Variants in PALM2AKAP2 observed in about 807,000 individuals in gnomAD.
The protein encoded by PALM2AKAP2 is PALM2 and AKAP2 fusion.
A neutral mutation model predicts 71.5 loss-of-function variants in PALM2AKAP2; 37 were observed. That is an observed-to-expected ratio of 0.52 (90% CI 0.40 to 0.68). The LOEUF (loss-of-function observed/expected upper bound fraction) is 0.68, where lower values mean the gene tolerates loss of function less well. PALM2AKAP2 is among the 30% of genes least tolerant of loss of function. The pLI is 0.00. For missense variants in PALM2AKAP2, 1,224 were observed against 1,191.8 expected (o/e 1.03, Z -0.40); for synonymous variants, 468 against 478.8 (o/e 0.98, Z 0.29).
intron 1 of PALM2AKAP2, among the ~76,000 whole-genome samples, chr9:109,718,088 T>A (rs553409163): frequency 3.7e-4 from 57 of 152,272 alleles, no homozygotes; most frequent in East Asian, 3.9e-4. Flanking sequence ...TTCTTTTTTT[T>A]AAATTTTGCT....
At chr9:109,677,694 C>G (rs1827668417) in intron 1 of PALM2AKAP2, among the ~76,000 whole-genome samples, 2 of 151,596 alleles carry the variant, frequency 1.3e-5, no homozygotes, top group Admixed American at 6.6e-5. Flanking sequence ...AGAATTTTTG[C>G]CATACCAAGA....
Position 109,693,546 on chromosome 9 carries a change from T to C in PALM2AKAP2, c.5+52680T>C, listed in dbSNP as rs1827927740. Among the ~76,000 whole-genome samples, 4 of 152,146 alleles carry C rather than the reference T, an allele frequency of 2.6e-5. No individual in the cohort carries two copies. The South Asian group carries it at 6.2e-4, about 24-fold the overall frequency. ...TCCCGTAAGGTGGAAGATTAGATAA[T>C]TGATTTTAAACTTATCTTCTCTAAT... On this transcript the variant is annotated intron_variant, in intron 1 of 6. Coordinates refer to the PALM2AKAP2 transcript ENST00000374531.
intron 1 of PALM2AKAP2, among the ~76,000 whole-genome samples, chr9:109,669,896 T>C (rs1243001108): frequency 6.6e-6 from 1 of 151,956 alleles, no homozygotes; most frequent in African/African-American, 2.4e-5. Context: ...TTTTTTATTG[T>C]TTATCTTTCA....
At chr9:109,780,457 C>A (rs1211479790) in exon 1 of PALM2AKAP2, 1 of 1,612,804 alleles carries the variant, frequency 6.2e-7, no homozygotes. Flanking sequence ...TTTTTCTTTC[C>A]TCTTTCCCCT....
At chr9:109,727,435 A>T (rs2118649827) in intron 1 of PALM2AKAP2, among the ~76,000 whole-genome samples, 1 of 152,158 alleles carries the variant, frequency 6.6e-6, no homozygotes, top group African/African-American at 2.4e-5. Flanking sequence ...TCAATTGAAG[A>T]AGTTGAATAA....
At chr9:110,096,426 A>AATTTATTTATTTATTT (rs71373967) in intron 1 of PALM2AKAP2, among the ~76,000 whole-genome samples, 1,803 of 149,484 alleles carry the variant, frequency 0.012, 55 homozygotes, top group African/African-American at 0.042. Flanking sequence ...ATTATGCCTG[A>AATTTATTTATTTATTT]ATTTATTTAT....
intron 1 of PALM2AKAP2, among the ~76,000 whole-genome samples, chr9:109,696,274 T>C (rs931778089): frequency 3.3e-5 from 5 of 152,198 alleles, no homozygotes; most frequent in Admixed American, 3.3e-4. Context: ...AGCCAAATTT[T>C]AAAAGTGGGC....
intron 2 of PALM2AKAP2, among the ~76,000 whole-genome samples, chr9:110,145,007 C>T (rs1378519550): frequency 6.6e-6 from 1 of 152,150 alleles, no homozygotes; most frequent in East Asian, 1.9e-4. Context: ...GTTGAGCCTG[C>T]TCTATGAGGT....
chr9:109,673,728 A>T (rs2118497383), intron 1 of PALM2AKAP2, among the ~76,000 whole-genome samples: 1 of 151,890 alleles, frequency 6.6e-6, no homozygotes, highest in Admixed American at 6.6e-5. Flanking sequence ...TTGTGTGGGG[A>T]CCTAAGTCTC....
intron 1 of PALM2AKAP2, among the ~76,000 whole-genome samples, chr9:109,803,505 G>C (rs375611261): frequency 3.3e-5 from 5 of 152,290 alleles, no homozygotes; most frequent in African/African-American, 1.2e-4. Flanking sequence ...GCTGGAAAGA[G>C]GTCTACCTTG....
At chr9:110,011,007 A>AC (rs1406046925) in intron 6 of PALM2AKAP2, among the ~76,000 whole-genome samples, 3 of 115,968 alleles carry the variant, frequency 2.6e-5, no homozygotes, top group African/African-American at 1.2e-4. Context: ...AAAAAAAAAA[A>AC]AAAAAAAATA....
intron 2 of PALM2AKAP2, among the ~76,000 whole-genome samples, chr9:110,144,181 T>G (rs999493302): frequency 6.6e-6 from 1 of 152,216 alleles, no homozygotes; most frequent in Non-Finnish European, 1.5e-5. Context: ...ATGGGGGAAG[T>G]CCCTGTGTCA....
intron 1 of PALM2AKAP2, among the ~76,000 whole-genome samples, chr9:109,738,824 TG>T (rs1206400593): frequency 6.6e-6 from 1 of 152,188 alleles, no homozygotes; most frequent in Non-Finnish European, 1.5e-5. Flanking sequence ...ATTAAAAAAA[TG>T]TCTAGTTTTT....
In PALM2AKAP2 at chr9:110,054,270, A is replaced by G. The variant is rs955345455; in HGVS notation, c.156+5415A>G. On this transcript the variant is annotated intron_variant, in intron 1 of 3. Coordinates refer to ENST00000374525, the Ensembl canonical transcript of PALM2AKAP2. The stretch of plus-strand genomic sequence containing the variant: ...TAAAATTAGCCGGGTGTGGTGGCGC[A>G]TGCCTGTAATCTCAGCTACTCAGGA... Among the ~76,000 whole-genome samples the G allele has an allele frequency of 3.3e-5, 5 of 152,146 alleles. No homozygotes were observed. The East Asian group carries it at 9.7e-4, about 29-fold the overall frequency.
chr9:109,659,754 A>T (rs1055542160), intron 1 of PALM2AKAP2, among the ~76,000 whole-genome samples: 1 of 152,208 alleles, frequency 6.6e-6, no homozygotes, highest in African/African-American at 2.4e-5. Context: ...CCACTAAAAA[A>T]CTTTTTATAG....
intron 1 of PALM2AKAP2, among the ~76,000 whole-genome samples, chr9:109,678,663 A>T (rs1212194434): frequency 6.6e-6 from 1 of 152,168 alleles, no homozygotes; most frequent in Admixed American, 6.5e-5. Context: ...CAGCAGAGAC[A>T]AGGTACAGAC....
At chr9:110,169,072 A>G (rs1433715732) in exon 4 of PALM2AKAP2, 1 of 152,676 alleles carries the variant, frequency 6.5e-6, no homozygotes, top group Admixed American at 6.6e-5. Context: ...AATTATTTTT[A>G]ATTGAGAACA....
At chr9:109,924,941 C>A (rs1830917814) in intron 4 of PALM2AKAP2, 120 bp from the exon 5 acceptor site, 6 of 1,456,676 alleles carry the variant, frequency 4.1e-6, no homozygotes, top group African/African-American at 1.4e-5. Flanking sequence ...GTTTCCCCAG[C>A]ACAGTCAAAT....
intron 1 of PALM2AKAP2, among the ~76,000 whole-genome samples, chr9:110,114,841 G>A (rs578101004): frequency 6.6e-6 from 1 of 152,250 alleles, no homozygotes; most frequent in East Asian, 1.9e-4. Context: ...TTACTTATTG[G>A]CTCTCAACCA....
Sources: gnomAD v4.1 joint callset for allele counts (sites outside exome capture counted in the v4.1 genomes callset) on GRCh38, gnomAD v4.1.1 for gene constraint, MANE v1.5 for transcripts, NCBI Gene and HGNC (gene_info 2026-07-23, HGNC 2026-07-21) for gene names.